The following FYN variants were observed in gnomAD, a reference collection of about 807,000 sequenced individuals.
The protein encoded by FYN is FYN proto-oncogene, Src family tyrosine kinase.
FYN carries 10 observed loss-of-function variants against 70.2 expected under a neutral mutation model. That is an observed-to-expected ratio of 0.14 (90% CI 0.09 to 0.24). The LOEUF (loss-of-function observed/expected upper bound fraction) is 0.24, where lower values mean the gene tolerates loss of function less well. FYN is among the 10% of genes least tolerant of loss of function. The pLI is 1.00. For synonymous variants in FYN, 236 were observed against 248.6 expected (o/e 0.95, Z 0.48); for missense variants, 319 against 673.1 (o/e 0.47, Z 5.82).
At chr6:111,764,837 T>C (rs551651849) in intron 3 of FYN, among the ~76,000 whole-genome samples, 1 of 152,322 alleles carries the variant, frequency 6.6e-6, no homozygotes, top group South Asian at 2.1e-4. Flanking sequence ...AAAAACAAAA[T>C]GTCACCCTCC....
intron 2 of FYN, among the ~76,000 whole-genome samples, chr6:111,797,725 CACAT>C (rs1203365124): frequency 6.4e-5 from 9 of 141,104 alleles, no homozygotes; most frequent in African/African-American, 7.7e-5. Context: ...CACACACACA[CACAT>C]GACACACCCC....
rs139870258 is a variant in FYN, at chr6:111,719,884, G to A, written c.168C>T (p.Ala56=). ...CAAAGACGGTGAGTCCTTGGCCCCCGGCTGCGTGGAAGTTGTTGTAGTTGG... is the reference window on the plus strand; with the variant it reads ...CAAAGACGGTGAGTCCTTGGCCCCCAGCTGCGTGGAAGTTGTTGTAGTTGG... ...SIPNYNNFHA[A]GGQGLTVFGG... Residue 56 remains alanine, a synonymous_variant, in exon 4 of 14, where the codon GCC becomes GCT. Transcript: ENST00000354650. The A allele has an allele frequency of 1.7e-4, 279 of 1,614,020 alleles. No individual in the cohort carries two copies. The highest frequency in any genetic ancestry group is 2.0e-4 in the Non-Finnish European group (231 of 1,180,036).
intron 2 of FYN, among the ~76,000 whole-genome samples, chr6:111,808,100 T>A (rs1366988922): frequency 2.0e-5 from 3 of 151,624 alleles, no homozygotes; most frequent in Non-Finnish European, 4.4e-5. Context: ...AGAGCAACAC[T>A]CAGCCTCAAA....
chr6:111,857,859 A>C (rs1562547715), intron 1 of FYN, among the ~76,000 whole-genome samples: 1 of 152,104 alleles, frequency 6.6e-6, no homozygotes, highest in African/African-American at 2.4e-5. Flanking sequence ...CATCACAGTG[A>C]TGGGGAGAGG....
At chr6:111,869,613 C>A (rs543346580) in intron 1 of FYN, among the ~76,000 whole-genome samples, 15 of 152,300 alleles carry the variant, frequency 9.8e-5, no homozygotes, top group Non-Finnish European at 2.1e-4. Context: ...AGGCTGATAA[C>A]AAACTCTTGG....
In FYN at chr6:111,714,338, C is replaced by T; in HGVS notation, c.344+9G>A. The T allele has an allele frequency of 6.2e-7, 1 of 1,601,828 alleles. No homozygotes were observed. Among genetic ancestry groups the T allele is most frequent in the South Asian group, 1.1e-5 (1 of 90,788 alleles). On this transcript the variant is annotated intron_variant, in intron 5 of 13. Transcript: ENST00000354650. ...GGTATACATGCTTCTCCTCCCTCTC[C>T]AAACTTACGAGCTGTTCAATATTTG...
intron 3 of FYN, among the ~76,000 whole-genome samples, chr6:111,735,645 G>C (rs977478544): frequency 6.6e-6 from 1 of 152,204 alleles, no homozygotes; most frequent in African/African-American, 2.4e-5. Context: ...GGGGAGAAAA[G>C]AGAAGCATGG....
chr6:111,699,161 G>C (rs570759417), intron 9 of FYN, among the ~76,000 whole-genome samples: 1 of 152,190 alleles, frequency 6.6e-6, no homozygotes, highest in Non-Finnish European at 1.5e-5. Flanking sequence ...CCCCTTGTTC[G>C]TGGTTAATTA....
intron 3 of FYN, among the ~76,000 whole-genome samples, chr6:111,758,302 T>C (rs1274673364): frequency 6.6e-6 from 1 of 152,192 alleles, no homozygotes; most frequent in Non-Finnish European, 1.5e-5. Flanking sequence ...TTTGAAACCA[T>C]GTTTTAAACA....
intron 2 of FYN, among the ~76,000 whole-genome samples, chr6:111,821,513 C>T (rs9374297): frequency 0.041 from 6,253 of 152,134 alleles, 154 homozygotes; most frequent in East Asian, 0.14. Flanking sequence ...ACATGTTAGA[C>T]CTAAAACCAT....
chr6:111,705,587 G>A (rs1167918084), intron 6 of FYN, among the ~76,000 whole-genome samples: 2 of 152,084 alleles, frequency 1.3e-5, no homozygotes, highest in Non-Finnish European at 2.9e-5. Flanking sequence ...GGTGGCTCAT[G>A]ATTGTAATTC....
At chr6:111,841,929 GACTAACAATGATTGCCTTTGAGTCTAAA>G (rs751377628) in intron 2 of FYN, among the ~76,000 whole-genome samples, 9 of 152,008 alleles carry the variant, frequency 5.9e-5, no homozygotes, top group Non-Finnish European at 1.0e-4. Context: ...TTTGGGCCAA[GACTAACAATGATTGCCTTTGAGTCTAAA>G]ACAGAATTCT....
intron 3 of FYN, among the ~76,000 whole-genome samples, chr6:111,764,947 G>C (rs557699644): frequency 6.6e-6 from 1 of 151,926 alleles, no homozygotes; most frequent in East Asian, 1.9e-4. Flanking sequence ...TGATGGAACC[G>C]CTGGGTGAGA....
At chr6:111,796,942 T>C (rs1359372810) in intron 2 of FYN, among the ~76,000 whole-genome samples, 1 of 152,246 alleles carries the variant, frequency 6.6e-6, no homozygotes, top group African/African-American at 2.4e-5. Context: ...ATGTCTTATC[T>C]GGAGGTTTTT....
At chr6:111,776,707 T>C (rs1770957614) in intron 3 of FYN, among the ~76,000 whole-genome samples, 1 of 152,178 alleles carries the variant, frequency 6.6e-6, no homozygotes, top group Non-Finnish European at 1.5e-5. Context: ...TCCCAAAATA[T>C]ACTTCACAAA....
chr6:111,737,984 G>A (rs1245846351), intron 3 of FYN, among the ~76,000 whole-genome samples: 1 of 151,956 alleles, frequency 6.6e-6, no homozygotes, highest in South Asian at 2.1e-4. Flanking sequence ...TTCCTGCTAG[G>A]CCAGGTGACA....
intron 1 of FYN, among the ~76,000 whole-genome samples, chr6:111,852,674 T>C (rs994704275): frequency 2.0e-5 from 3 of 151,958 alleles, no homozygotes; most frequent in Non-Finnish European, 4.4e-5. Context: ...AAAATTTTAT[T>C]AGTAAGAGTT....
At chr6:111,787,605 C>T (rs77996807) in intron 2 of FYN, among the ~76,000 whole-genome samples, 4,324 of 152,318 alleles carry the variant, frequency 0.028, 192 homozygotes, top group African/African-American at 0.099. Context: ...CAACCTTGTA[C>T]AGGGCCTGGT....
At chr6:111,699,432 G>C (rs1297711671) in intron 9 of FYN, 1 of 1,436,434 alleles carries the variant, frequency 7.0e-7, no homozygotes, top group Non-Finnish European at 9.6e-7. Flanking sequence ...TTGTCCCAAC[G>C]GCTGTGTGTG....
Sources: allele counts gnomAD v4.1 joint callset (sites outside exome capture counted in the v4.1 genomes callset), GRCh38; gene constraint gnomAD v4.1.1; transcripts MANE v1.5; gene names NCBI Gene and HGNC (gene_info 2026-07-23, HGNC 2026-07-21).